The following GLIPR1 variants were observed in gnomAD, a reference collection of about 807,000 sequenced individuals.
GLIPR1 encodes the protein GLI pathogenesis related 1, also known as glioma pathogenesis-related protein 1.
GLIPR1 carries 38 observed loss-of-function variants against 30.3 expected under a neutral mutation model. The observed-to-expected ratio is 1.26, with a 90% CI of 0.97 to 1.65. The LOEUF (loss-of-function observed/expected upper bound fraction) is 1.65. Ranked by LOEUF, GLIPR1 falls within the 40% of genes most tolerant of loss-of-function variation. The pLI, the probability that GLIPR1 is intolerant of heterozygous loss-of-function variation, is 0.00. For missense variants in GLIPR1, 285 were observed against 326.5 expected, an observed-to-expected ratio of 0.87 and a Z score of 0.98; for synonymous variants, 122 against 110.6, an observed-to-expected ratio of 1.10 and a Z score of -0.65.
At chr12:75,488,022 C>T (rs973067908) in intron 2 of GLIPR1, among the ~76,000 whole-genome samples, 5 of 152,144 alleles carry the variant, frequency 3.3e-5, no homozygotes, top group Non-Finnish European at 7.4e-5. Context: ...TGTAAACTGT[C>T]ATGGTGGGAG....
chr12:75,487,416 C>T (rs2046298536), intron 2 of GLIPR1, among the ~76,000 whole-genome samples: 1 of 152,110 alleles, frequency 6.6e-6, no homozygotes, highest in Admixed American at 6.5e-5. Flanking sequence ...GATTAACAAC[C>T]CTTATAAAAC....
At chr12:75,495,319 G>C (rs1339861147) in intron 3 of GLIPR1, 6 of 351,204 alleles carry the variant, frequency 1.7e-5, no homozygotes, top group Non-Finnish European at 2.6e-5. Flanking sequence ...TGTAAAACAA[G>C]AATAACTTCC....
intron 2 of GLIPR1, among the ~76,000 whole-genome samples, chr12:75,486,637 C>G (rs1362700856): frequency 6.6e-6 from 1 of 152,056 alleles, no homozygotes; most frequent in African/African-American, 2.4e-5. Flanking sequence ...GCTACATCCA[C>G]GTAATAAATA....
At position 75,498,924 on chromosome 12, in the gene GLIPR1, T is replaced by C; in HGVS notation, c.747T>C (p.Val249=). The C allele has an allele frequency of 1.9e-6, 3 of 1,607,708 alleles. No homozygotes were observed. The highest frequency in any genetic ancestry group is 2.6e-6 in the Non-Finnish European group (3 of 1,174,768). The part of the protein sequence containing the change: ...IVNSVILILS[V]IITILVQHKY... ...ATTCAGTAATTCTAATACTGTCTGT[T>C]ATAATTACCATTTTGGTACAGCACA... is the stretch of plus-strand genomic sequence containing the variant. The change falls in exon 6 of 6, where the codon GTT becomes GTC. Residue 249 remains valine (V), a synonymous_variant. Coordinates refer to ENST00000266659, the MANE Select transcript of GLIPR1 (RefSeq NM_006851.3).
chr12:75,492,255 A>T (rs2046327945), intron 3 of GLIPR1: 1 of 152,050 alleles, frequency 6.6e-6, no homozygotes, highest in South Asian at 2.1e-4. Flanking sequence ...TGCCCAGTTA[A>T]TTTTTTTGTA....
chr12:75,499,008 C>G lies in GLIPR1; in HGVS notation c.*30C>G. 1 of 1,490,612 alleles carries G rather than the reference C, an allele frequency of 6.7e-7. No individual in the cohort carries two copies. 92.3% of individuals were successfully genotyped at this position (1,490,612 alleles called of 1,614,324 possible). On this transcript the variant is annotated 3_prime_UTR_variant, in exon 6 of 6. Coordinates refer to ENST00000266659, the MANE Select transcript of GLIPR1 (RefSeq NM_006851.3). Reference sequence around the variant, plus strand: ...ATTCAGGAAAGAAAAAACCCAAAAACCAACCTCATTCACATATGGCTTTTT... The same window carrying G: ...ATTCAGGAAAGAAAAAACCCAAAAAGCAACCTCATTCACATATGGCTTTTT...
Position 75,487,051 on chromosome 12 carries a change from A to G in GLIPR1, c.421-3355A>G, listed in dbSNP as rs117458513. On this transcript the variant is annotated intron_variant, in intron 2 of 5. Transcript: ENST00000266659. ...CTAACATTTGCACACTTCTGAGGAA[A>G]AAGTATTAAAATGGGGAAGGGATCC... Among the ~76,000 whole-genome samples the G allele has an allele frequency of 5.7e-3, 864 of 152,352 alleles. 18 individuals are homozygous for G. In the East Asian group the frequency reaches 0.08, roughly 14 times the overall value.
chr12:75,487,312 A>G (rs975949414), intron 2 of GLIPR1, among the ~76,000 whole-genome samples: 1 of 152,260 alleles, frequency 6.6e-6, no homozygotes, highest in African/African-American at 2.4e-5. Flanking sequence ...AAAGGACCCC[A>G]CATAAAATCA....
intron 4 of GLIPR1, chr12:75,498,176 G>C (rs2046363346): frequency 6.6e-6 from 1 of 152,340 alleles, no homozygotes; most frequent in Non-Finnish European, 1.5e-5. Context: ...CCAGTGCTCT[G>C]ATTGTCAAAA....
In GLIPR1 at chr12:75,501,106, A is replaced by ATAAG. The variant is rs1422185186; in HGVS notation, c.*2130_*2133dup. On this transcript the variant is annotated 3_prime_UTR_variant, in exon 6 of 6. Transcript: ENST00000266659. ...TTTGGAGGGTTACTTTAGGAAGAGG[A>ATAAG]TAAGTGTTACCACAGGGGAAAAAAA... The ATAAG allele has an allele frequency of 6.6e-6, 1 of 152,240 alleles. No homozygotes were observed. Among genetic ancestry groups the ATAAG allele is most frequent in the Non-Finnish European group, 1.5e-5 (1 of 68,100 alleles). The allele number at this position is 152,240 out of a possible 1,614,324, so 9.4% of individuals were successfully genotyped here. A position where few individuals can be genotyped will look rare whatever the true frequency, so the allele number is the denominator to read the frequency against.
intron 4 of GLIPR1, 133 bp from the exon 5 acceptor site, chr12:75,498,561 A>C: frequency 1.5e-6 from 1 of 665,378 alleles, no homozygotes; most frequent in Non-Finnish European, 2.6e-6. Flanking sequence ...TTGAATAATT[A>C]AACTTGGAAA....
chr12:75,499,079 A>G lies in GLIPR1; in HGVS notation c.*101A>G. Reference sequence around the variant, plus strand: ...GTGTACTTCTATTTTAAAACATTTCAGAAAAAAATATATGTTATAGCAATA... The same window carrying G: ...GTGTACTTCTATTTTAAAACATTTCGGAAAAAAATATATGTTATAGCAATA... On this transcript the variant is annotated 3_prime_UTR_variant, in exon 6 of 6. Transcript: ENST00000266659. The G allele has an allele frequency of 1.4e-6, 1 of 691,932 alleles. No individual in the cohort carries two copies. Among genetic ancestry groups the G allele is most frequent in the South Asian group, 2.5e-5 (1 of 40,178 alleles). The allele number at this position is 691,932 out of a possible 1,614,324, so 42.9% of individuals were successfully genotyped here. A position where few individuals can be genotyped will look rare whatever the true frequency, so the allele number is the denominator to read the frequency against.
chr12:75,498,850 T>C lies in GLIPR1; in HGVS notation c.673T>C (p.Trp225Arg), dbSNP rs1321396827. ...TTACTACTCTGTTGTATATCCAGGC[T>C]GGCCCATATATCCACGTAACAGATA... Reference protein sequence around the residue: ...KRYYSVVYPGWPIYPRNRYTS... With the variant: ...KRYYSVVYPGRPIYPRNRYTS... Residue 225 changes from tryptophan to arginine, a missense_variant, in exon 6 of 6, where the codon TGG (tryptophan) becomes CGG (arginine). Transcript: ENST00000266659. The C allele has an allele frequency of 6.2e-7, 1 of 1,612,512 alleles. No individual in the cohort carries two copies. Among genetic ancestry groups the C allele is most frequent in the South Asian group, 1.1e-5 (1 of 90,982 alleles).
intron 3 of GLIPR1, chr12:75,494,484 T>C (rs2046339264): frequency 6.6e-6 from 1 of 152,188 alleles, no homozygotes; most frequent in East Asian, 1.9e-4. Context: ...TTGAAACTAA[T>C]AGCCCCCGGT....
intron 2 of GLIPR1, among the ~76,000 whole-genome samples, chr12:75,486,327 A>G (rs201086486): frequency 6.6e-6 from 1 of 150,946 alleles, no homozygotes; most frequent in African/African-American, 2.4e-5. Flanking sequence ...AAAAAAAAAA[A>G]TTAAAGTGTT....
intron 3 of GLIPR1, chr12:75,493,663 T>TC (rs1258137518): frequency 6.6e-6 from 1 of 152,226 alleles, no homozygotes; most frequent in Non-Finnish European, 1.5e-5. Flanking sequence ...TCTTCGGTCT[T>TC]CCCCTGGGTC....
Position 75,503,644 on chromosome 12 carries a change from T to C in GLIPR1, c.*4666T>C, listed in dbSNP as rs1262781893. 2.1e-5 allele frequency: 6 copies of C among 289,708 alleles called. No individual in the cohort carries two copies. In the East Asian group the frequency reaches 3.4e-4, roughly 17 times the overall value. 17.9% of individuals were successfully genotyped at this position (289,708 alleles called of 1,614,324 possible). A position where few individuals can be genotyped will look rare whatever the true frequency, so the allele number is the denominator to read the frequency against. On this transcript the variant is annotated 3_prime_UTR_variant, in exon 6 of 6. Coordinates refer to ENST00000266659, the MANE Select transcript of GLIPR1 (RefSeq NM_006851.3). The stretch of plus-strand genomic sequence containing the variant: ...TGCAGACTAAACGAACTTTTATCCA[T>C]GGAACATTTACAGTGGCTACAGGGT...
rs991914310 is a variant in GLIPR1 at position 75,502,880 on chromosome 12, A to G, written c.*3902A>G. ...ACTGCATCACTCCACTTTCCCCCTA[A>G]CTACTATCAATTTCCTCCATGATCC... On this transcript the variant is annotated 3_prime_UTR_variant, in exon 6 of 6. Coordinates refer to ENST00000266659, the MANE Select transcript of GLIPR1 (RefSeq NM_006851.3). The G allele has an allele frequency of 4.6e-5, 7 of 151,946 alleles. No individual in the cohort carries two copies. Among genetic ancestry groups the G allele is most frequent in the South Asian group, 4.1e-4 (2 of 4,832 alleles). The allele number at this position is 151,946 out of a possible 1,614,324, so 9.4% of individuals were successfully genotyped here.
intron 2 of GLIPR1, chr12:75,483,889 G>A (rs983029500): frequency 6.6e-6 from 1 of 152,174 alleles, no homozygotes; most frequent in East Asian, 1.9e-4. Context: ...GAGGTCAAAA[G>A]ACTGTAAAAT....
Sources: allele counts gnomAD v4.1 joint callset (sites outside exome capture counted in the v4.1 genomes callset), GRCh38; gene constraint gnomAD v4.1.1; transcripts MANE v1.5; gene names NCBI Gene and HGNC (gene_info 2026-07-23, HGNC 2026-07-21).